The following CCBE1 variants were observed in gnomAD, a reference collection of about 807,000 sequenced individuals.
CCBE1 encodes collagen and calcium-binding EGF domain-containing protein 1.
Under a neutral mutation model 50.0 loss-of-function variants are expected in CCBE1, and 37 were observed. The ratio of observed to expected loss-of-function variants is 0.74; its 90% CI spans 0.57 to 0.97. The LOEUF is 0.97. CCBE1 is among the 50% of genes least tolerant of loss of function. CCBE1 has a pLI of 0.00. For synonymous variants in CCBE1, 234 were observed against 203.7 expected (o/e 1.15, Z -1.27); for missense variants, 538 against 523.8 (o/e 1.03, Z -0.26).
intron 2 of CCBE1, among the ~76,000 whole-genome samples, chr18:59,529,451 C>T (rs1914963151): frequency 6.6e-6 from 1 of 152,228 alleles, no homozygotes; most frequent in Non-Finnish European, 1.5e-5. Flanking sequence ...GGAGAATCTG[C>T]ACAGCTCTGT....
intron 2 of CCBE1, among the ~76,000 whole-genome samples, chr18:59,648,202 G>A (rs2054080635): frequency 6.6e-6 from 1 of 152,232 alleles, no homozygotes; most frequent in African/African-American, 2.4e-5. Flanking sequence ...GTAAGTGTGA[G>A]GCAGCTGGAG....
rs148440150 is a variant in CCBE1 at position 59,645,037 on chromosome 18, C to T, written c.212+51592G>A. ...TTGGGAGGCCGAGGTGGGCGGATCA[C>T]GAGGTCAGGAGATCGAGACCATCCT... is the stretch of plus-strand genomic sequence containing the variant. On this transcript the variant is annotated intron_variant, in intron 2 of 10. Transcript: ENST00000439986. Among the ~76,000 whole-genome samples, 60 of 152,248 alleles carry T rather than the reference C, an allele frequency of 3.9e-4. No homozygotes were observed. In the East Asian group the frequency reaches 9.7e-3, roughly 24 times the overall value.
intron 2 of CCBE1, among the ~76,000 whole-genome samples, chr18:59,483,286 G>A (rs1231150493): frequency 6.6e-6 from 1 of 152,120 alleles, no homozygotes; most frequent in East Asian, 1.9e-4. Flanking sequence ...TTGCAAATTA[G>A]TATAATCTGA....
rs12458405 is a variant in CCBE1, at chr18:59,490,098, T to G, written c.213-9860A>C. Among the ~76,000 whole-genome samples, 1,208 of 151,010 alleles carry G rather than the reference T, an allele frequency of 8.0e-3. 45 individuals are homozygous for G. Among genetic ancestry groups the G allele is most frequent in the Admixed American group, 0.076 (1,146 of 15,158 alleles). On this transcript the variant is annotated intron_variant, in intron 2 of 10. Coordinates refer to ENST00000439986, the MANE Select transcript of CCBE1 (RefSeq NM_133459.4). ...ACCTCCCAGGTTCAAGTGATTCTCCTGCCCCATCCTCCTGGGTAGCTGGGA... is the reference window on the plus strand; with the variant it reads ...ACCTCCCAGGTTCAAGTGATTCTCCGGCCCCATCCTCCTGGGTAGCTGGGA...
At chr18:59,620,878 C>G (rs1358142603) in intron 2 of CCBE1, among the ~76,000 whole-genome samples, 1 of 152,152 alleles carries the variant, frequency 6.6e-6, no homozygotes. Flanking sequence ...ATACAGGTGC[C>G]AAATGGGAAG....
At chr18:59,553,091 C>T (rs1915987257) in intron 2 of CCBE1, among the ~76,000 whole-genome samples, 1 of 152,256 alleles carries the variant, frequency 6.6e-6, no homozygotes, top group African/African-American at 2.4e-5. Context: ...CTGGTTATAG[C>T]CTGTGTACAG....
At chr18:59,539,806 A>C (rs566363504) in intron 2 of CCBE1, among the ~76,000 whole-genome samples, 1 of 152,256 alleles carries the variant, frequency 6.6e-6, no homozygotes. Flanking sequence ...AGAATCAACC[A>C]AAATTTTCAA....
chr18:59,526,544 C>T (rs534422099), intron 2 of CCBE1, among the ~76,000 whole-genome samples: 3 of 152,078 alleles, frequency 2.0e-5, no homozygotes, highest in East Asian at 3.9e-4. Flanking sequence ...CTCCTGACCT[C>T]GTGATTCACC....
intron 5 of CCBE1, among the ~76,000 whole-genome samples, chr18:59,461,900 T>C (rs892352490): frequency 2.6e-5 from 4 of 151,404 alleles, no homozygotes; most frequent in Admixed American, 1.3e-4. Context: ...GCCCAGCTAA[T>C]GTTTTGTATT....
chr18:59,580,477 A>T (rs974963250), intron 2 of CCBE1, among the ~76,000 whole-genome samples: 5 of 152,234 alleles, frequency 3.3e-5, no homozygotes, highest in African/African-American at 1.2e-4. Flanking sequence ...AGGATGTGTC[A>T]TGGGCATGAG....
rs189195848 is a variant in CCBE1, at chr18:59,509,585, G to A, written c.213-29347C>T. Among the ~76,000 whole-genome samples the A allele has an allele frequency of 1.0e-3, 159 of 152,270 alleles. 1 individual carries two copies. Among genetic ancestry groups the A allele is most frequent in the Middle Eastern group, 6.8e-3 (2 of 294 alleles). ...CTTGGTCCTTAACCAGAAACCCTCA[G>A]GGGCACACACTGAAACACAAATTTT... On this transcript the variant is annotated intron_variant, in intron 2 of 10. Transcript: ENST00000439986.
chr18:59,678,247 A>G (rs2054535135), intron 2 of CCBE1, among the ~76,000 whole-genome samples: 1 of 152,228 alleles, frequency 6.6e-6, no homozygotes, highest in Non-Finnish European at 1.5e-5. Flanking sequence ...AGAATAAGCC[A>G]GAAAGTTAGA....
intron 5 of CCBE1, among the ~76,000 whole-genome samples, chr18:59,460,751 G>T (rs1911422151): frequency 6.6e-6 from 1 of 152,028 alleles, no homozygotes; most frequent in Non-Finnish European, 1.5e-5. Context: ...GGCCAAGATG[G>T]TGAAACCCCA....
At chr18:59,599,313 T>C (rs2053398884) in intron 2 of CCBE1, among the ~76,000 whole-genome samples, 1 of 152,210 alleles carries the variant, frequency 6.6e-6, no homozygotes, top group Admixed American at 6.5e-5. Flanking sequence ...CATAATCTTA[T>C]TTAGAACTAA....
Position 59,615,453 on chromosome 18 carries a change from A to G in CCBE1, c.212+81176T>C, listed in dbSNP as rs577906575. ...CATTCCCATTCCAGAGTCATTTCCAATGTCATCTGCCTTTTCCTGGTCAAG... is the reference window on the plus strand; with the variant it reads ...CATTCCCATTCCAGAGTCATTTCCAGTGTCATCTGCCTTTTCCTGGTCAAG... On this transcript the variant is annotated intron_variant, in intron 2 of 10. Coordinates refer to ENST00000439986, the MANE Select transcript of CCBE1 (RefSeq NM_133459.4). Among the ~76,000 whole-genome samples, 11 of 151,826 alleles carry G rather than the reference A, an allele frequency of 7.2e-5. 1 individual carries two copies. In the East Asian group the frequency reaches 1.9e-3, roughly 27 times the overall value.
intron 2 of CCBE1, among the ~76,000 whole-genome samples, chr18:59,617,954 G>A (rs755458857): frequency 6.6e-6 from 1 of 152,118 alleles, no homozygotes; most frequent in Non-Finnish European, 1.5e-5. Context: ...TTGACAGCTC[G>A]TGCCACTCGC....
intron 2 of CCBE1, among the ~76,000 whole-genome samples, chr18:59,550,300 A>T (rs1396938153): frequency 6.6e-6 from 1 of 152,058 alleles, no homozygotes; most frequent in Non-Finnish European, 1.5e-5. Flanking sequence ...AGCCATACTC[A>T]TTTGTTTCCA....
At chr18:59,533,898 A>G (rs941736950) in intron 2 of CCBE1, among the ~76,000 whole-genome samples, 3 of 152,220 alleles carry the variant, frequency 2.0e-5, no homozygotes, top group African/African-American at 7.2e-5. Context: ...TTATCCGTTT[A>G]TCTAAATAAG....
intron 2 of CCBE1, among the ~76,000 whole-genome samples, chr18:59,544,826 T>C (rs1383153700): frequency 1.3e-5 from 2 of 152,238 alleles, no homozygotes; most frequent in African/African-American, 2.4e-5. Flanking sequence ...ATTTGATTTA[T>C]ACCTATTTCT....
Sources: allele counts gnomAD v4.1 joint callset (sites outside exome capture counted in the v4.1 genomes callset), GRCh38; gene constraint gnomAD v4.1.1; transcripts MANE v1.5; gene names NCBI Gene and HGNC (gene_info 2026-07-23, HGNC 2026-07-21).